Variants in EXTL3 observed in about 807,000 individuals in gnomAD.
EXTL3 encodes the protein exostosin-like 3.
EXTL3 carries 27 observed loss-of-function variants against 69.3 expected under a neutral mutation model. The ratio of observed to expected loss-of-function variants is 0.39; its 90% CI spans 0.29 to 0.54. EXTL3 has a LOEUF of 0.54. Among genes scored for constraint, EXTL3 ranks in the 20% least tolerant of loss-of-function variants. The pLI is 0.69. For synonymous variants in EXTL3, 511 were observed against 499.4 expected, an observed-to-expected ratio of 1.02 and a Z score of -0.31; for missense variants, 1,003 against 1,231.8, an observed-to-expected ratio of 0.81 and a Z score of 2.78.
rs371812901 is a variant in EXTL3 at position 28,720,188 on chromosome 8, CT to C, written c.2148+1982del. Among the ~76,000 whole-genome samples, 96 of 152,222 alleles carry C rather than the reference CT, an allele frequency of 6.3e-4. No individual in the cohort carries two copies. The Middle Eastern group carries it at 0.014, about 22-fold the overall frequency. ...TCTCGGATGTACCCAGCTATCAGAG[CT>C]AGAAAGAGACTGGTAGCTCTCTCTG... On this transcript the variant is annotated intron_variant, in intron 3 of 6. Coordinates refer to ENST00000220562, the MANE Select transcript of EXTL3 (RefSeq NM_001440.4).
intron 3 of EXTL3, among the ~76,000 whole-genome samples, chr8:28,718,517 G>T (rs1801217275): frequency 6.6e-6 from 1 of 152,178 alleles, no homozygotes; most frequent in East Asian, 1.9e-4. Flanking sequence ...AGATGATGAT[G>T]ATAATGATAA....
chr8:28,745,206 C>T (rs1367133067), intron 6 of EXTL3, among the ~76,000 whole-genome samples: 2 of 152,120 alleles, frequency 1.3e-5, no homozygotes, highest in Admixed American at 1.3e-4. Context: ...AGAAAGAAGT[C>T]GTAGCTTGAG....
At chr8:28,736,206 T>C (rs1801649497) in intron 4 of EXTL3, among the ~76,000 whole-genome samples, 1 of 152,242 alleles carries the variant, frequency 6.6e-6, no homozygotes, top group African/African-American at 2.4e-5. Flanking sequence ...AAAACCCACC[T>C]AGAAGGCTGT....
At chr8:28,740,829 A>G (rs1333423444) in intron 5 of EXTL3, 48 of 152,220 alleles carry the variant, frequency 3.2e-4, no homozygotes, top group Admixed American at 3.1e-3. Context: ...CTTTAAAATA[A>G]TGTGATCACT....
chr8:28,680,674 G>C (rs1218719887), intron 1 of EXTL3, among the ~76,000 whole-genome samples: 7 of 152,072 alleles, frequency 4.6e-5, no homozygotes. Flanking sequence ...GGAACTAATT[G>C]ATCCTAACTG....
At chr8:28,688,012 G>A (rs1435574377) in intron 1 of EXTL3, among the ~76,000 whole-genome samples, 1 of 151,246 alleles carries the variant, frequency 6.6e-6, no homozygotes, top group East Asian at 1.9e-4. Context: ...ATTGACAGCA[G>A]CCAGCCCCCC....
upstream of EXTL3, chr8:28,700,891 G>C (rs1800771801): frequency 6.6e-6 from 1 of 152,332 alleles, no homozygotes; most frequent in Non-Finnish European, 1.5e-5. Context: ...GGGCTCACAG[G>C]GGCTGGCTTT....
chr8:28,620,519 CCTACA>C (rs1806396606), upstream of EXTL3, among the ~76,000 whole-genome samples: 2 of 152,160 alleles, frequency 1.3e-5, no homozygotes, highest in South Asian at 2.1e-4. Flanking sequence ...AGATGCTGCC[CCTACA>C]CCGGTCTCAG....
downstream of EXTL3, among the ~76,000 whole-genome samples, chr8:28,756,390 G>C (rs895384310): frequency 2.0e-5 from 3 of 152,148 alleles, no homozygotes; most frequent in African/African-American, 7.2e-5. Context: ...TACACACCCA[G>C]CATAACGTTT....
At chr8:28,678,014 G>T (rs952265721) in intron 1 of EXTL3, 1 of 152,272 alleles carries the variant, frequency 6.6e-6, no homozygotes, top group Non-Finnish European at 1.5e-5. Flanking sequence ...CCTGGAGAAG[G>T]TGGCTTGGAT....
In EXTL3 at chr8:28,713,454, CAGG is replaced by C; in HGVS notation, c.-569_-567del. ...TTGTTTTTTGTTTTTTTTTTTAAAT[CAGG>C]AGAGCAAGCCCTGGAGGTTCACTCT... On this transcript the variant is annotated splice_acceptor_variant and 5_prime_UTR_variant, in exon 2 of 7. Coordinates refer to ENST00000220562, the MANE Select transcript of EXTL3 (RefSeq NM_001440.4). LOFTEE classifies it low-confidence loss of function (5UTR_SPLICE). 1.5e-6 allele frequency: 1 copy of C among 670,052 alleles called. No individual in the cohort carries two copies. The allele number at this position is 670,052 out of a possible 1,614,324, so 41.5% of individuals were successfully genotyped here.
At chr8:28,733,663 A>T (rs982072310) in intron 4 of EXTL3, among the ~76,000 whole-genome samples, 15 of 150,342 alleles carry the variant, frequency 1.0e-4, no homozygotes, top group African/African-American at 3.7e-4. Flanking sequence ...GATTACAGGC[A>T]TGAGCCACAG....
chr8:28,613,396 C>G (rs1227395655), intron 2 of EXTL3, among the ~76,000 whole-genome samples: 1 of 152,108 alleles, frequency 6.6e-6, no homozygotes, highest in Non-Finnish European at 1.5e-5. Context: ...GTTGGCCAGG[C>G]TGGTCTCAAA....
chr8:28,615,140 G>C (rs555880177), intron 2 of EXTL3, among the ~76,000 whole-genome samples: 1 of 152,004 alleles, frequency 6.6e-6, no homozygotes. Flanking sequence ...TTTCTTTTAC[G>C]TTTCTTAAGA....
At chr8:28,637,821 C>T (rs1486697619) in intron 1 of EXTL3, among the ~76,000 whole-genome samples, 1 of 152,144 alleles carries the variant, frequency 6.6e-6, no homozygotes, top group Non-Finnish European at 1.5e-5. Context: ...AGCTTCTTGG[C>T]TTAGAATTAT....
chr8:28,724,069 AAATT>A (rs1377554594), intron 3 of EXTL3, among the ~76,000 whole-genome samples: 1 of 152,136 alleles, frequency 6.6e-6, no homozygotes, highest in Non-Finnish European at 1.5e-5. Flanking sequence ...AAATGTATAA[AAATT>A]AAAATACATA....
chr8:28,744,007 A>T (rs1801832624), intron 6 of EXTL3: 1 of 152,400 alleles, frequency 6.6e-6, no homozygotes. Flanking sequence ...TAACACATAC[A>T]CTCAGTGCAC....
rs1364145877 is a variant in EXTL3, at chr8:28,623,051, T to C, written c.-53+241T>C. On this transcript the variant is annotated intron_variant, in intron 1 of 6. Coordinates refer to the EXTL3 transcript ENST00000523149. The surrounding 1 kb of genome is among the most constrained non-coding windows in gnomAD (Gnocchi z 4.2). ...CGGGCGATTGCAAGCTCGCGGTCCA[T>C]GTCCCCTGCCTCGGAGTGTGGACGT... is the stretch of plus-strand genomic sequence containing the variant. 1.3e-5 allele frequency among the ~76,000 whole-genome samples: 2 copies of C among 150,386 alleles called. No individual in the cohort carries two copies. The highest frequency in any genetic ancestry group is 3.0e-5 in the Non-Finnish European group (2 of 67,510).
chr8:28,720,951 C>CT (rs1483704388), intron 3 of EXTL3, among the ~76,000 whole-genome samples: 1 of 152,224 alleles, frequency 6.6e-6, no homozygotes, highest in Admixed American at 6.5e-5. Flanking sequence ...GGGACCACCA[C>CT]TTTCATGGCA....
Sources: allele counts gnomAD v4.1 joint callset (sites outside exome capture counted in the v4.1 genomes callset), GRCh38; gene constraint gnomAD v4.1.1; non-coding constraint Gnocchi (gnomAD v3.1); transcripts MANE v1.5; gene names NCBI Gene and HGNC (gene_info 2026-07-23, HGNC 2026-07-21).